CSPP1: variants seen among roughly 807,000 people sequenced by gnomAD.
The protein encoded by CSPP1 is centrosome and spindle pole-associated protein 1.
In CSPP1, 126 loss-of-function variants were observed where a neutral mutation model predicts 164.4. The observed-to-expected ratio is 0.77, with a 90% confidence interval of 0.66 to 0.89. CSPP1 has a LOEUF of 0.89. CSPP1 is among the 40% of genes least tolerant of loss of function. CSPP1 has a pLI of 0.00. For synonymous variants in CSPP1, 472 were observed against 476.7 expected, an observed-to-expected ratio of 0.99 and a Z score of 0.13; for missense variants, 1,395 against 1,449.8, an observed-to-expected ratio of 0.96 and a Z score of 0.61.
chr8:67,177,222 AG>A, intron 26 of CSPP1, among the ~76,000 whole-genome samples: 1 of 152,224 alleles, frequency 6.6e-6, no homozygotes, highest in Non-Finnish European at 1.5e-5. Context: ...TACTATTCAC[AG>A]GAACACATAG....
At chr8:67,130,093 T>TA (rs1820901351) in intron 15 of CSPP1, among the ~76,000 whole-genome samples, 1 of 152,100 alleles carries the variant, frequency 6.6e-6, no homozygotes, top group African/African-American at 2.4e-5. Context: ...GTGGAGGGCC[T>TA]ACTTTTCTTA....
intron 3 of CSPP1, among the ~76,000 whole-genome samples, chr8:67,079,040 A>T (rs1490058773): frequency 1.3e-5 from 2 of 152,184 alleles, no homozygotes; most frequent in African/African-American, 4.8e-5. Flanking sequence ...TTCACATATT[A>T]TGGAGAGTTA....
At chr8:67,192,250 T>C (rs1019842679) in intron 29 of CSPP1, among the ~76,000 whole-genome samples, 3 of 152,030 alleles carry the variant, frequency 2.0e-5, no homozygotes, top group African/African-American at 7.2e-5. Context: ...AAGTTTTGTA[T>C]TTTTAGTAGA....
chr8:67,116,250 TA>T (rs1442232977), intron 13 of CSPP1, 128 bp downstream of exon 13: 1 of 634,978 alleles, frequency 1.6e-6, no homozygotes, highest in Non-Finnish European at 2.7e-6. Context: ...TTTTGTGAAA[TA>T]AATTCTCTTG....
chr8:67,161,915 T>C lies in CSPP1; in HGVS notation c.2643T>C (p.His881=), dbSNP rs1480045385. Residue 881 remains histidine, a splice_region_variant and synonymous_variant, in exon 22 of 31, where the codon CAT becomes CAC. Coordinates refer to ENST00000678616, the MANE Select transcript of CSPP1 (RefSeq NM_001382391.1). ...ACAGCATCATACGTTCCTTTATTCA[T>C]GTATGTACTTTTGTTTTTATTTGTT... is the stretch of plus-strand genomic sequence containing the variant. ...SVDSIIRSFI[H]ESSMSRAQSP... is the part of the protein sequence containing the mutation. 8.3e-6 allele frequency: 13 copies of C among 1,574,752 alleles called. No homozygotes were observed. In the Admixed American group the frequency reaches 1.8e-4, roughly 22 times the overall value.
At chr8:67,087,448 A>G (rs1267893675) in intron 4 of CSPP1, among the ~76,000 whole-genome samples, 2 of 152,212 alleles carry the variant, frequency 1.3e-5, no homozygotes, top group Non-Finnish European at 2.9e-5. Flanking sequence ...TTAGTTGTAG[A>G]GATAGCATTC....
At chr8:67,145,425 C>T (rs1406908147) in intron 17 of CSPP1, among the ~76,000 whole-genome samples, 1 of 151,506 alleles carries the variant, frequency 6.6e-6, no homozygotes, top group Non-Finnish European at 1.5e-5. Flanking sequence ...TTTTTCTCTG[C>T]TTTTCTTCTT....
chr8:67,076,475 C>A lies in CSPP1; in HGVS notation c.100-7C>A. 6.5e-7 allele frequency: 1 copy of A among 1,536,914 alleles called. No homozygotes were observed. Among genetic ancestry groups the A allele is most frequent in the Non-Finnish European group, 8.8e-7 (1 of 1,134,500 alleles). On this transcript the variant is annotated splice_polypyrimidine_tract_variant and splice_region_variant and intron_variant, in intron 2 of 30. Coordinates refer to ENST00000678616, the MANE Select transcript of CSPP1 (RefSeq NM_001382391.1). ...TCTTGCTTTTGTAAACATTATGTCT[C>A]TTTCAGGGAAAGTTGTCAGCGAAGC...
At chr8:67,094,788 G>A (rs982458530) in intron 6 of CSPP1, among the ~76,000 whole-genome samples, 2 of 152,082 alleles carry the variant, frequency 1.3e-5, no homozygotes, top group Admixed American at 6.5e-5. Flanking sequence ...ATCCCCCAAA[G>A]TGGTTCTGGG....
rs1180520547 is a variant in CSPP1, at chr8:67,118,380, T to C, written c.1618+11T>C. On this transcript the variant is annotated intron_variant, in intron 14 of 30. Transcript: ENST00000678616. ...CCAGTCTTGCTTATTGTAAGTTATCTATAGGGTAAGCATTTTCTCCCCGCT... is the reference window on the plus strand; with the variant it reads ...CCAGTCTTGCTTATTGTAAGTTATCCATAGGGTAAGCATTTTCTCCCCGCT... 4 of 1,613,130 alleles carry C rather than the reference T, an allele frequency of 2.5e-6. No individual in the cohort carries two copies. Among genetic ancestry groups the C allele is most frequent in the Non-Finnish European group, 3.4e-6 (4 of 1,179,452 alleles).
At chr8:67,106,658 C>A (rs116108597) in intron 9 of CSPP1, among the ~76,000 whole-genome samples, 3,031 of 152,050 alleles carry the variant, frequency 0.02, 86 homozygotes, top group African/African-American at 0.068. Context: ...AAATTTAATA[C>A]CAGAAACTGT....
In CSPP1 at chr8:67,095,349, A is replaced by G; in HGVS notation, c.540A>G (p.Ser180=). The G allele has an allele frequency of 6.2e-7, 1 of 1,604,362 alleles. No homozygotes were observed. The highest frequency in any genetic ancestry group is 8.5e-7 in the Non-Finnish European group (1 of 1,177,568). Residue 180 remains serine (S), a synonymous_variant, in exon 7 of 31, where the codon TCA becomes TCG. Transcript: ENST00000678616. ...GTCAAGTTAAGCCTGATCTAACTTC[A>G]CAAATACAGACATCTTGTGAAAATT... The part of the protein sequence containing the change: ...PIGQVKPDLT[S]QIQTSCENSE...
In CSPP1 at chr8:67,172,396, G is replaced by A. The variant is rs1304911843; in HGVS notation, c.2829-20G>A. The stretch of plus-strand genomic sequence containing the variant: ...ATTTTTCCTGTGAAGCACATATTAT[G>A]ATTTGTCATTTATCTATAGGAAAAA... On this transcript the variant is annotated intron_variant, in intron 24 of 30. Coordinates refer to ENST00000678616, the MANE Select transcript of CSPP1 (RefSeq NM_001382391.1). 6.3e-7 allele frequency: 1 copy of A among 1,596,234 alleles called. No individual in the cohort carries two copies. The highest frequency in any genetic ancestry group is 1.1e-5 in the South Asian group (1 of 89,510).
At chr8:67,096,508 T>G (rs777539545) in intron 7 of CSPP1, among the ~76,000 whole-genome samples, 1 of 150,766 alleles carries the variant, frequency 6.6e-6, no homozygotes, top group Admixed American at 6.6e-5. Context: ...GAGGTTGCAG[T>G]GAGCAGAGAT....
In CSPP1 at chr8:67,095,798, T is replaced by C. The variant is rs894991324; in HGVS notation, c.923+66T>C. 38 of 978,592 alleles carry C rather than the reference T, an allele frequency of 3.9e-5. No homozygotes were observed. In the African/African-American group the frequency reaches 5.1e-4, roughly 13 times the overall value. The allele number at this position is 978,592 out of a possible 1,614,324, so 60.6% of individuals were successfully genotyped here. A position where few individuals can be genotyped will look rare whatever the true frequency, so the allele number is the denominator to read the frequency against. ...CAAATTAATTGTTAATATTTGCTGT[T>C]GTTACTTTTTATCATTATACTAGGG... On this transcript the variant is annotated intron_variant, in intron 7 of 30. Coordinates refer to ENST00000678616, the MANE Select transcript of CSPP1 (RefSeq NM_001382391.1).
chr8:67,167,324 G>A (rs1339985244), intron 24 of CSPP1, among the ~76,000 whole-genome samples: 10 of 141,844 alleles, frequency 7.1e-5, no homozygotes, highest in Admixed American at 7.1e-5. Context: ...CCCACCTCCC[G>A]GATGGGGCGG....
intron 18 of CSPP1, among the ~76,000 whole-genome samples, chr8:67,151,574 A>G (rs769945888): frequency 3.9e-5 from 6 of 152,168 alleles, no homozygotes; most frequent in Middle Eastern, 3.2e-3. Context: ...CAGAAAATCA[A>G]CAGTTCCCAT....
chr8:67,193,091 T>A (rs910099477), intron 29 of CSPP1, among the ~76,000 whole-genome samples: 5 of 152,210 alleles, frequency 3.3e-5, no homozygotes, highest in African/African-American at 9.6e-5. Context: ...CAGTGTACAT[T>A]TGAGGGCAAG....
At chr8:67,175,209 T>C (rs537349039) in intron 25 of CSPP1, 87 bp from the exon 26 acceptor site, 67 of 910,628 alleles carry the variant, frequency 7.4e-5, no homozygotes, top group Non-Finnish European at 1.1e-4. Context: ...TGAAATTAGG[T>C]TACTCATGTT....
Sources: allele counts gnomAD v4.1 joint callset (sites outside exome capture counted in the v4.1 genomes callset), GRCh38; gene constraint gnomAD v4.1.1; transcripts MANE v1.5; gene names NCBI Gene and HGNC (gene_info 2026-07-23, HGNC 2026-07-21).